Variants in MYCBP2 observed in about 807,000 individuals in gnomAD.
The protein encoded by MYCBP2 is MYC binding protein 2, also known as E3 ubiquitin-protein ligase MYCBP2.
A neutral mutation model predicts 525.3 loss-of-function variants in MYCBP2; 120 were observed. The ratio of observed to expected loss-of-function variants is 0.23; its 90% confidence interval spans 0.20 to 0.27. MYCBP2 has a LOEUF of 0.27. MYCBP2 is among the 10% of genes least tolerant of loss of function. MYCBP2 has a pLI of 1.00. For missense variants in MYCBP2, 4,149 were observed against 5,657.1 expected (o/e 0.73, Z 8.55); for synonymous variants, 1,894 against 1,955.8 (o/e 0.97, Z 0.83).
rs1382808157 is a variant in MYCBP2, at chr13:77,222,137, TA to T, written c.2939+2313del. Among the ~76,000 whole-genome samples the T allele has an allele frequency of 3.9e-5, 6 of 152,308 alleles. No homozygotes were observed. In the East Asian group the frequency reaches 1.2e-3, roughly 29 times the overall value. ...ACCCACAGGTACAGAGGGCCAACTG[TA>T]ATTACTACCCAGATTCAGCCTCTGC... On this transcript the variant is annotated intron_variant, in intron 20 of 82. Transcript: ENST00000544440.
In MYCBP2 at chr13:77,090,085, C is replaced by A. The variant is rs752133964; in HGVS notation, c.10525+21G>T. ...TGTAGTAGTCAGATCACTCAATATTCTTTTTTATCCTCATACTTACCAGTG... is the reference window on the plus strand; with the variant it reads ...TGTAGTAGTCAGATCACTCAATATTATTTTTTATCCTCATACTTACCAGTG... On this transcript the variant is annotated intron_variant, in intron 60 of 82. Transcript: ENST00000544440. 11 of 1,580,890 alleles carry A rather than the reference C, an allele frequency of 7.0e-6. No homozygotes were observed. The South Asian group carries it at 1.2e-4, about 17-fold the overall frequency.
At chr13:77,079,502 A>C (rs575634327) in intron 65 of MYCBP2, among the ~76,000 whole-genome samples, 1 of 152,220 alleles carries the variant, frequency 6.6e-6, no homozygotes, top group Non-Finnish European at 1.5e-5. Flanking sequence ...GATTAACATT[A>C]ATTCCTTGGA....
chr13:77,140,246 G>C (rs971927304), intron 50 of MYCBP2, 83 bp from the exon 51 acceptor site: 2 of 814,306 alleles, frequency 2.5e-6, no homozygotes, highest in Non-Finnish European at 1.9e-6. Flanking sequence ...AATTAAGCAG[G>C]TTTGAAAGTA....
chr13:77,171,406 T>C (rs1337997710), intron 38 of MYCBP2, 86 bp downstream of exon 38: 2 of 1,336,086 alleles, frequency 1.5e-6, no homozygotes, highest in Non-Finnish European at 2.1e-6. Context: ...AATTGTATAA[T>C]AGAAGGCTCC....
intron 10 of MYCBP2, among the ~76,000 whole-genome samples, chr13:77,263,230 A>G (rs905348270): frequency 2.6e-5 from 4 of 152,016 alleles, no homozygotes; most frequent in African/African-American, 9.7e-5. Context: ...AAATCTATTC[A>G]AGTAAAAACT....
Position 77,292,981 on chromosome 13 carries a change from A to AG in MYCBP2, c.378+3617dup, listed in dbSNP as rs776132960. ...CTCAAAAAAAAAAAAAAAAAAAGAA[A>AG]GAAAAAAAAAGAAAACCCCTGGAGA... On this transcript the variant is annotated intron_variant, in intron 2 of 82. Coordinates refer to ENST00000544440, the MANE Select transcript of MYCBP2 (RefSeq NM_015057.5). Among the ~76,000 whole-genome samples the AG allele has an allele frequency of 1.8e-3, 277 of 150,854 alleles. 5 individuals carry two copies. The highest frequency in any genetic ancestry group is 7.5e-4 in the Non-Finnish European group (51 of 67,780).
chr13:77,191,623 A>G (rs1456817446), intron 28 of MYCBP2, 56 bp downstream of exon 28: 1 of 1,581,812 alleles, frequency 6.3e-7, no homozygotes. Flanking sequence ...TTTTCAAAAC[A>G]ATATTCCTCT....
rs1051886649 is a variant in MYCBP2, at chr13:77,146,312, C to T, written c.7132-95G>A. The T allele has an allele frequency of 1.1e-5, 8 of 746,904 alleles. No homozygotes were observed. In the African/African-American group the frequency reaches 1.3e-4, roughly 12 times the overall value. 46.3% of individuals were successfully genotyped at this position (746,904 alleles called of 1,614,324 possible). A position where few individuals can be genotyped will look rare whatever the true frequency, so the allele number is the denominator to read the frequency against. On this transcript the variant is annotated intron_variant, in intron 47 of 82. Coordinates refer to ENST00000544440, the MANE Select transcript of MYCBP2 (RefSeq NM_015057.5). ...TATTATTCAATAAATGGTTGTGAGA[C>T]AACTGGTTATACATATAGGAGAAAA...
At chr13:77,052,532 T>C (rs555062108) in intron 80 of MYCBP2, among the ~76,000 whole-genome samples, 1 of 152,348 alleles carries the variant, frequency 6.6e-6, no homozygotes, top group East Asian at 1.9e-4. Flanking sequence ...GATTCAAGCT[T>C]AAAGTAGGCA....
chr13:77,112,075 G>A (rs1177826859), intron 55 of MYCBP2, among the ~76,000 whole-genome samples: 1 of 151,936 alleles, frequency 6.6e-6, no homozygotes, highest in Non-Finnish European at 1.5e-5. Context: ...ACATATGTTA[G>A]CTTTTAAAAT....
intron 66 of MYCBP2, 49 bp from the exon 67 acceptor site, chr13:77,077,436 T>C: frequency 6.2e-7 from 1 of 1,606,642 alleles, no homozygotes; most frequent in Non-Finnish European, 8.5e-7. Context: ...GGATCACTTT[T>C]ATCACTGTGC....
intron 80 of MYCBP2, 144 bp from the exon 81 acceptor site, chr13:77,052,062 A>C: frequency 1.6e-6 from 1 of 630,808 alleles, no homozygotes; most frequent in Non-Finnish European, 2.8e-6. Context: ...TGCCAAGTGC[A>C]TGCCCATATT....
intron 27 of MYCBP2, among the ~76,000 whole-genome samples, chr13:77,193,215 A>C (rs969959533): frequency 2.0e-5 from 3 of 152,182 alleles, no homozygotes; most frequent in Non-Finnish European, 2.9e-5. Context: ...CTGAAAATTA[A>C]TCAATTAGCT....
chr13:77,193,195 T>C (rs1355677844), intron 27 of MYCBP2, among the ~76,000 whole-genome samples: 1 of 152,136 alleles, frequency 6.6e-6, no homozygotes, highest in African/African-American at 2.4e-5. Context: ...AATGGCACCT[T>C]AAGGCTTTGC....
chr13:77,209,307 C>T (rs947951138), intron 23 of MYCBP2, among the ~76,000 whole-genome samples: 9 of 152,304 alleles, frequency 5.9e-5, no homozygotes, highest in African/African-American at 1.7e-4. Context: ...TTTACTGTTA[C>T]GCTTAGTTAT....
At position 77,064,661 on chromosome 13, in the gene MYCBP2, A is replaced by G. The variant is rs2039917195; in HGVS notation, c.12626T>C (p.Met4209Thr). ...IAETIIALTK[M>T]EEEFRSPVRC... The stretch of plus-strand genomic sequence containing the variant: ...CACTGGAGACCTAAATTCTTCTTCC[A>G]TCTTGGTCAAGGCAATGATGGTTTC... Residue 4209 changes from methionine to threonine, a missense_variant, in exon 73 of 83, where the codon ATG (methionine) becomes ACG (threonine). This residue lies in a region of MYCBP2 where 148 missense variants were observed against 179.4 expected (regional missense o/e 0.82). Transcript: ENST00000544440. The G allele has an allele frequency of 6.2e-7, 1 of 1,613,764 alleles. No individual in the cohort carries two copies. Among genetic ancestry groups the G allele is most frequent in the Non-Finnish European group, 8.5e-7 (1 of 1,179,806 alleles).
chr13:77,116,804 T>TAATAC (rs2049852373), intron 55 of MYCBP2, among the ~76,000 whole-genome samples: 3 of 152,058 alleles, frequency 2.0e-5, no homozygotes, highest in African/African-American at 7.2e-5. Flanking sequence ...TTATTACTGT[T>TAATAC]TATTGTTTTG....
At chr13:77,302,373 G>A (rs2154370323) in intron 1 of MYCBP2, among the ~76,000 whole-genome samples, 1 of 150,390 alleles carries the variant, frequency 6.6e-6, no homozygotes, top group South Asian at 2.2e-4. Context: ...GAAAAGGGCT[G>A]GGGGGTGGGG....
chr13:77,048,045 C>T (rs2035958438), intron 82 of MYCBP2, among the ~76,000 whole-genome samples: 1 of 152,122 alleles, frequency 6.6e-6, no homozygotes, highest in Admixed American at 6.5e-5. Context: ...GAACTCCTGG[C>T]ATTATCTCAG....
Sources: gnomAD v4.1 joint callset for allele counts (sites outside exome capture counted in the v4.1 genomes callset) on GRCh38, gnomAD v4.1.1 for gene constraint, gnomAD v4.1.1 regional missense constraint, MANE v1.5 for transcripts, NCBI Gene and HGNC (gene_info 2026-07-23, HGNC 2026-07-21) for gene names.